The following VWA3A variants were observed in gnomAD, a reference collection of about 807,000 sequenced individuals.
The protein encoded by VWA3A is von Willebrand factor A domain containing 3A, also known as von Willebrand factor A domain-containing protein 3A.
In VWA3A, 134 loss-of-function variants were observed where a neutral mutation model predicts 160.4. The observed-to-expected ratio is 0.84, with a 90% confidence interval of 0.73 to 0.96. The LOEUF is 0.96. Ranked by LOEUF, VWA3A falls within the 40% of genes least tolerant of loss-of-function variation. The pLI is 0.00. For synonymous variants in VWA3A, 476 were observed against 543.4 expected, an observed-to-expected ratio of 0.88 and a Z score of 1.72; for missense variants, 1,310 against 1,447.9, an observed-to-expected ratio of 0.90 and a Z score of 1.55.
chr16:22,116,783 G>A lies in VWA3A; in HGVS notation c.840G>A (p.Leu280=), dbSNP rs773162894. 1.2e-6 allele frequency: 2 copies of A among 1,613,410 alleles called. No individual in the cohort carries two copies. The highest frequency in any genetic ancestry group is 2.2e-5 in the South Asian group (2 of 91,086). Residue 280 remains leucine (L), a synonymous_variant, in exon 10 of 34, where the codon CTG becomes CTA. Transcript: ENST00000389398. ...GCCCAGATCAGCCTTCTGAAATCCT[G>A]TCTGACTACATCCAGCAGTCCACCA... ...RSCPDQPSEI[L]SDYIQQSTMG...
chr16:22,123,911 A>AT (rs1215285554), intron 16 of VWA3A, among the ~76,000 whole-genome samples: 1 of 152,074 alleles, frequency 6.6e-6, no homozygotes, highest in Non-Finnish European at 1.5e-5. Flanking sequence ...GTCACTGAGC[A>AT]TTTTTGCAAT....
In VWA3A at chr16:22,141,628, G is replaced by C. The variant is rs746262966; in HGVS notation, c.2430G>C (p.Lys810Asn). ...TKEGMMELRR[K>N]TKSREAETSL... is the part of the protein sequence containing the mutation. ...AAGGGATGATGGAACTGAGGAGGAA[G>C]ACCAAGTCAAGGGAAGCAGAGACAT... Residue 810 changes from lysine (K) to asparagine (N), a missense_variant, in exon 24 of 34, where the codon AAG (lysine) becomes AAC (asparagine). Transcript: ENST00000389398. 1 of 1,612,786 alleles carries C rather than the reference G, an allele frequency of 6.2e-7. No homozygotes were observed. The highest frequency in any genetic ancestry group is 8.5e-7 in the Non-Finnish European group (1 of 1,179,488).
chr16:22,123,497 TC>T, intron 15 of VWA3A, 115 bp from the exon 16 acceptor site: 1 of 1,596,654 alleles, frequency 6.3e-7, no homozygotes. Context: ...CTGCCTGGAT[TC>T]CCAGGGACTT....
chr16:22,108,487 AT>A (rs1257163873), intron 6 of VWA3A, among the ~76,000 whole-genome samples: 1 of 152,058 alleles, frequency 6.6e-6, no homozygotes, highest in Non-Finnish European at 1.5e-5. Flanking sequence ...GCATGGAAAG[AT>A]TTTTTTTAAT....
rs376008317 is a variant in VWA3A, at chr16:22,123,147, C to T, written c.1419C>T (p.Pro473=). The T allele has an allele frequency of 6.2e-7, 1 of 1,604,348 alleles. No individual in the cohort carries two copies. Among genetic ancestry groups the T allele is most frequent in the Non-Finnish European group, 8.5e-7 (1 of 1,175,270 alleles). ...GTVKNIHVDP[P]FLYKYQQQLS... is the part of the protein sequence containing the mutation. Reference sequence around the variant, plus strand: ...TGAAGAACATTCATGTGGACCCACCCTTCCTCTATAAGTACCAGGTCAGTG... The same window carrying T: ...TGAAGAACATTCATGTGGACCCACCTTTCCTCTATAAGTACCAGGTCAGTG... Residue 473 remains proline, a synonymous_variant, in exon 15 of 34, where the codon CCC becomes CCT. Transcript: ENST00000389398.
intron 31 of VWA3A, among the ~76,000 whole-genome samples, chr16:22,153,338 G>A (rs991055020): frequency 3.9e-5 from 6 of 152,146 alleles, no homozygotes; most frequent in South Asian, 4.1e-4. Flanking sequence ...GCAAGACTCC[G>A]TCTCAAAACA....
intron 31 of VWA3A, among the ~76,000 whole-genome samples, chr16:22,155,319 G>A (rs1250063625): frequency 6.6e-6 from 1 of 151,790 alleles, no homozygotes; most frequent in Non-Finnish European, 1.5e-5. Context: ...TGACACCATC[G>A]TACTTTGCCA....
chr16:22,156,283 C>A lies in VWA3A; in HGVS notation c.*266C>A. 4.8e-6 allele frequency: 1 copy of A among 208,520 alleles called. No homozygotes were observed. Among genetic ancestry groups the A allele is most frequent in the South Asian group, 9.1e-5 (1 of 10,948 alleles). The allele number at this position is 208,520 out of a possible 1,614,324, so 12.9% of individuals were successfully genotyped here. On this transcript the variant is annotated 3_prime_UTR_variant, in exon 34 of 34. Coordinates refer to ENST00000389398, the MANE Select transcript of VWA3A (RefSeq NM_173615.5). ...CTCTCTGGGAAGCCCTAAACCAACCCCCTGCCTAAATGGTGGTGCTTCTTG... is the reference window on the plus strand; with the variant it reads ...CTCTCTGGGAAGCCCTAAACCAACCACCTGCCTAAATGGTGGTGCTTCTTG...
intron 9 of VWA3A, among the ~76,000 whole-genome samples, chr16:22,115,901 GGAAGGAAGGAAGGAAGGAAGGAAA>G: frequency 2.9e-5 from 1 of 35,086 alleles, no homozygotes; most frequent in Non-Finnish European, 4.2e-5. Context: ...AAGGAAGGAA[GGAAGGAAGGAAGGAAGGAAGGAAA>G]GGAAAGGAAA....
rs1173368341 is a variant in VWA3A at position 22,144,136 on chromosome 16, C to G, written c.2593-111C>G. The G allele has an allele frequency of 5.3e-6, 7 of 1,323,384 alleles. No individual in the cohort carries two copies. The African/African-American group carries it at 1.0e-4, about 20-fold the overall frequency. The allele number at this position is 1,323,384 out of a possible 1,614,324, so 82.0% of individuals were successfully genotyped here. ...GCTCTGTGAGGACCTGGGAATCCCA[C>G]ATTTCAAACATCATACAGGTTTCAA... On this transcript the variant is annotated intron_variant, in intron 25 of 33. Transcript: ENST00000389398.
chr16:22,121,064 A>C lies in VWA3A; in HGVS notation c.1213A>C (p.Lys405Gln). Residue 405 changes from lysine (K) to glutamine (Q), a missense_variant, in exon 13 of 34, where the codon AAG becomes CAG. Lys to Gln is a moderately conservative substitution (Grantham distance 53). Transcript: ENST00000389398. Reference sequence around the variant, plus strand: ...CACCATTGAGTTTCCAAACTTGGACAAGACTTCTGCAGAGTGGCTTAAGGT... The same window carrying C: ...CACCATTGAGTTTCCAAACTTGGACCAGACTTCTGCAGAGTGGCTTAAGGT... ...PLTIEFPNLDKTSAEWLKVNG... is the reference protein window; with the variant it reads ...PLTIEFPNLDQTSAEWLKVNG... 6.2e-7 allele frequency: 1 copy of C among 1,614,022 alleles called. No individual in the cohort carries two copies. Among genetic ancestry groups the C allele is most frequent in the Non-Finnish European group, 8.5e-7 (1 of 1,179,888 alleles).
intron 14 of VWA3A, among the ~76,000 whole-genome samples, 173 bp from the exon 15 acceptor site, chr16:22,122,912 T>TG (rs2045770486): frequency 6.6e-6 from 1 of 151,886 alleles, no homozygotes; most frequent in African/African-American, 2.4e-5. Context: ...CTGGTGGTGG[T>TG]GGTGGTATTG....
rs1362527652 is a variant in VWA3A at position 22,115,429 on chromosome 16, A to G, written c.772A>G (p.Thr258Ala). 6.2e-7 allele frequency: 1 copy of G among 1,607,324 alleles called. No homozygotes were observed. Among genetic ancestry groups the G allele is most frequent in the East Asian group, 2.2e-5 (1 of 44,742 alleles). ...GCTACAAGCTCTGAAGAAGATCTTC[A>G]CTCTCAAGGGACTGGATTCCCTGGT... is the stretch of plus-strand genomic sequence containing the variant. ...NLLQALKKIF[T>A]LKGLDSLVAI... Residue 258 changes from threonine to alanine, a missense_variant, in exon 9 of 34, where the codon ACT (threonine) becomes GCT (alanine). Coordinates refer to ENST00000389398, the MANE Select transcript of VWA3A (RefSeq NM_173615.5).
In VWA3A at chr16:22,150,816, T is replaced by G; in HGVS notation, c.3251T>G (p.Val1084Gly). 6.2e-7 allele frequency: 1 copy of G among 1,613,580 alleles called. No homozygotes were observed. The highest frequency in any genetic ancestry group is 8.5e-7 in the Non-Finnish European group (1 of 1,179,724). ...QKLREKRDVKVHTISLNCSDR... is the reference protein window; with the variant it reads ...QKLREKRDVKGHTISLNCSDR... ...CTCAGGGAGAAAAGAGATGTGAAAG[T>G]GCACACCATTTCCTTGAACTGCTCA... The change falls in exon 30 of 34, where the codon GTG (valine) becomes GGG (glycine). Residue 1084 changes from valine to glycine, a missense_variant. Transcript: ENST00000389398.
rs555838557 is a variant in VWA3A, at chr16:22,115,989, A to G, written c.815+517A>G. 6.4e-3 allele frequency among the ~76,000 whole-genome samples: 886 copies of G among 137,712 alleles called. 42 individuals are homozygous for G. The highest frequency in any genetic ancestry group is 0.024 in the African/African-American group (827 of 34,962). 90.3% of individuals were successfully genotyped at this position (137,712 alleles called of 152,430 possible). A position where few individuals can be genotyped will look rare whatever the true frequency, so the allele number is the denominator to read the frequency against. On this transcript the variant is annotated intron_variant, in intron 9 of 33. Transcript: ENST00000389398. ...GAGGGAGGGAGAGAGAGAGAGAGAG[A>G]GGAGAGAGAGAGAGAGATAAGAAAG... is the stretch of plus-strand genomic sequence containing the variant.
chr16:22,104,212 G>A (rs924952018), intron 6 of VWA3A, among the ~76,000 whole-genome samples: 1 of 152,206 alleles, frequency 6.6e-6, no homozygotes, highest in Non-Finnish European at 1.5e-5. Flanking sequence ...TAAGGGCTGG[G>A]CATGGTGGCT....
At chr16:22,142,060 A>G (rs1372075724) in intron 24 of VWA3A, among the ~76,000 whole-genome samples, 1 of 152,138 alleles carries the variant, frequency 6.6e-6, no homozygotes, top group African/African-American at 2.4e-5. Flanking sequence ...AGAACAATTC[A>G]TTGCTAGGCA....
chr16:22,098,966 C>T (rs2045366317), intron 3 of VWA3A, among the ~76,000 whole-genome samples: 1 of 146,292 alleles, frequency 6.8e-6, no homozygotes, highest in African/African-American at 2.5e-5. Context: ...TGTGGTGGCA[C>T]GTGCCTATAG....
In VWA3A at chr16:22,134,426, C is replaced by A. The variant is rs182683971; in HGVS notation, c.2127C>A (p.Asn709Lys). Residue 709 changes from asparagine (N) to lysine (K), a missense_variant, in exon 21 of 34, where the codon AAC (asparagine) becomes AAA (lysine). Coordinates refer to ENST00000389398, the MANE Select transcript of VWA3A (RefSeq NM_173615.5). ...SIMSEMEKAL[N>K]YSQKCAFLMA... The stretch of plus-strand genomic sequence containing the variant: ...TGTCTGAGATGGAAAAGGCTCTCAA[C>A]TACTCCCAAAAGGTATGCCCTGGGC... The A allele has an allele frequency of 2.5e-6, 4 of 1,593,288 alleles. No individual in the cohort carries two copies. Among genetic ancestry groups the A allele is most frequent in the Non-Finnish European group, 3.4e-6 (4 of 1,169,230 alleles).
Sources: gnomAD v4.1 joint callset for allele counts (sites outside exome capture counted in the v4.1 genomes callset) on GRCh38, gnomAD v4.1.1 for gene constraint, MANE v1.5 for transcripts, NCBI Gene and HGNC (gene_info 2026-07-23, HGNC 2026-07-21) for gene names.